The following EPHA4 variants were observed in gnomAD, a reference collection of about 807,000 sequenced individuals.
EPHA4 encodes the protein EPH receptor A4.
EPHA4 carries 19 observed loss-of-function variants against 108.3 expected under a neutral mutation model. The observed-to-expected ratio is 0.18, with a 90% confidence interval of 0.12 to 0.26. The LOEUF (loss-of-function observed/expected upper bound fraction) is 0.26. Among genes scored for constraint, EPHA4 ranks in the 10% least tolerant of loss-of-function variants. The probability of loss-of-function intolerance (pLI) is 1.00; values close to 1 mark genes in which losing one functional copy is unlikely to be tolerated. For synonymous variants in EPHA4, 449 were observed against 455.5 expected, an observed-to-expected ratio of 0.99 and a Z score of 0.18; for missense variants, 917 against 1,254.0, an observed-to-expected ratio of 0.73 and a Z score of 4.06.
intron 3 of EPHA4, among the ~76,000 whole-genome samples, chr2:221,518,352 G>A (rs190288765): frequency 2.6e-3 from 397 of 152,172 alleles, no homozygotes; most frequent in Non-Finnish European, 4.2e-3. Flanking sequence ...CTCTTTACCC[G>A]CTCCTGCTGC....
chr2:221,546,974 G>A (rs957825321), intron 3 of EPHA4, among the ~76,000 whole-genome samples: 1 of 152,086 alleles, frequency 6.6e-6, no homozygotes, highest in African/African-American at 2.4e-5. Context: ...AAATTTTTGT[G>A]GCTATCATAA....
intron 3 of EPHA4, among the ~76,000 whole-genome samples, chr2:221,539,225 T>C (rs1309627340): frequency 6.6e-6 from 1 of 152,240 alleles, no homozygotes; most frequent in Non-Finnish European, 1.5e-5. Flanking sequence ...TATTTACTTA[T>C]GACGACAAGC....
rs553196940 is a variant in EPHA4 at position 221,571,635 on chromosome 2, C to G, written c.91+523G>C. ...AATCAGGTCACTGGCGCCTGACGAG[C>G]GGCGCCACGACCGCTGCGCTGCGGA... On this transcript the variant is annotated intron_variant, in intron 1 of 17. Transcript: ENST00000281821. This position sits in a 1 kb window ranked among gnomAD's most constrained non-coding sequence, Gnocchi z 6.3. Among the ~76,000 whole-genome samples, 1,269 of 152,282 alleles carry G rather than the reference C, an allele frequency of 8.3e-3. 13 individuals are homozygous for G. Among genetic ancestry groups the G allele is most frequent in the Non-Finnish European group, 0.014 (940 of 68,020 alleles).
At chr2:221,557,777 A>T (rs1329718252) in intron 3 of EPHA4, among the ~76,000 whole-genome samples, 9 of 152,216 alleles carry the variant, frequency 5.9e-5, no homozygotes, top group Admixed American at 4.6e-4. Context: ...TATCATATTG[A>T]TTCCATGAAA....
intron 3 of EPHA4, 87 bp from the exon 4 acceptor site, chr2:221,501,259 A>C (rs977047153): frequency 8.2e-7 from 1 of 1,220,328 alleles, no homozygotes; most frequent in Non-Finnish European, 1.1e-6. Context: ...TTGTTTCAGA[A>C]GAAGGGAGAC....
chr2:221,436,229 C>T (rs141341484), intron 13 of EPHA4, among the ~76,000 whole-genome samples, 170 bp downstream of exon 13: 1 of 152,228 alleles, frequency 6.6e-6, no homozygotes, highest in African/African-American at 2.4e-5. Context: ...GCTTCAAAAT[C>T]CCTCTTTTAT....
chr2:221,438,364 T>C (rs1217337217), intron 11 of EPHA4, among the ~76,000 whole-genome samples: 4 of 152,164 alleles, frequency 2.6e-5, no homozygotes, highest in Non-Finnish European at 4.4e-5. Flanking sequence ...GTATTTATTG[T>C]TGGCAAGTGG....
chr2:221,522,163 T>C (rs527388952), intron 3 of EPHA4, among the ~76,000 whole-genome samples: 2 of 152,312 alleles, frequency 1.3e-5, no homozygotes, highest in African/African-American at 2.4e-5. Flanking sequence ...GTTATGCCCA[T>C]ACATGTGAGG....
chr2:221,432,967 G>C (rs1690124767), intron 14 of EPHA4, among the ~76,000 whole-genome samples: 1 of 151,898 alleles, frequency 6.6e-6, no homozygotes, highest in African/African-American at 2.4e-5. Context: ...TGGGATTCCA[G>C]GCACCCACCA....
At chr2:221,549,499 A>G (rs1364936006) in intron 3 of EPHA4, among the ~76,000 whole-genome samples, 2 of 152,198 alleles carry the variant, frequency 1.3e-5, no homozygotes, top group African/African-American at 4.8e-5. Context: ...ACCACAGCTC[A>G]GAGAGGCTGC....
chr2:221,501,345 G>A (rs999350943), intron 3 of EPHA4, 173 bp from the exon 4 acceptor site: 10 of 529,400 alleles, frequency 1.9e-5, no homozygotes, highest in South Asian at 3.4e-5. Flanking sequence ...GAGTATAGTC[G>A]CTCTTTAAGG....
At chr2:221,470,937 T>G (rs1691466720) in intron 5 of EPHA4, among the ~76,000 whole-genome samples, 1 of 152,020 alleles carries the variant, frequency 6.6e-6, no homozygotes, top group Admixed American at 6.6e-5. Flanking sequence ...GGAGAAGAGG[T>G]TTTAAGCTTG....
rs2106105779 is a variant in EPHA4 at position 221,442,949 on chromosome 2, T to C, written c.1954A>G (p.Ile652Val). 1.2e-6 allele frequency: 2 copies of C among 1,614,142 alleles called. No homozygotes were observed. The highest frequency in any genetic ancestry group is 1.7e-6 in the Non-Finnish European group (2 of 1,180,016). Residue 652 changes from isoleucine to valine, a missense_variant, in exon 11 of 18, where the codon ATC becomes GTC. Physicochemically the swap from Ile to Val is conservative, Grantham distance 29. Around this residue, in one of 3 missense-constraint regions of EPHA4, gnomAD observed 758 missense variants for 1,076.7 expected, o/e 0.70. Coordinates refer to ENST00000281821, the MANE Select transcript of EPHA4 (RefSeq NM_004438.5). ...VPGKREICVA[I>V]KTLKAGYTDK... is the part of the protein sequence containing the mutation. ...GTATAACCAGCTTTCAGAGTCTTGA[T>C]AGCCACACAGATCTCTCTCTTGCCA...
At chr2:221,531,577 C>T (rs1693515215) in intron 3 of EPHA4, among the ~76,000 whole-genome samples, 2 of 152,026 alleles carry the variant, frequency 1.3e-5, no homozygotes, top group Admixed American at 6.6e-5. Flanking sequence ...TATAAATAAG[C>T]ACACTTCTTT....
intron 1 of EPHA4, among the ~76,000 whole-genome samples, chr2:221,570,686 CA>C (rs1694805929): frequency 9.2e-6 from 1 of 109,170 alleles, no homozygotes; most frequent in East Asian, 2.4e-4. Context: ...TCCTTCGGAA[CA>C]GAGAAAACGA....
intron 5 of EPHA4, among the ~76,000 whole-genome samples, chr2:221,479,718 ATGACT>A (rs1342015044): frequency 6.6e-6 from 1 of 152,258 alleles, no homozygotes; most frequent in Non-Finnish European, 1.5e-5. Flanking sequence ...AACTATCCTG[ATGACT>A]TGAATTAGAG....
intron 3 of EPHA4, chr2:221,502,425 C>G (rs1403968072): frequency 1.3e-5 from 6 of 456,710 alleles, no homozygotes. Flanking sequence ...TAGGACTTGT[C>G]TATACTATCA....
intron 2 of EPHA4, among the ~76,000 whole-genome samples, chr2:221,566,969 G>GGAAGAAGAAGAAGAAGAA (rs71050343): frequency 0.13 from 3,623 of 27,646 alleles, 1,245 homozygotes; most frequent in South Asian, 0.28. Context: ...AAGAGGAAGA[G>GGAAGAAGAAGAAGAAGAA]GAAGAAGAAG....
In EPHA4 at chr2:221,571,255, T is replaced by TACACACAC. The variant is rs34969368; in HGVS notation, c.91+895_91+902dup. Among the ~76,000 whole-genome samples, 3 of 142,636 alleles carry TACACACAC rather than the reference T, an allele frequency of 2.1e-5. No individual in the cohort carries two copies. Among genetic ancestry groups the TACACACAC allele is most frequent in the Admixed American group, 6.9e-5 (1 of 14,418 alleles). 93.6% of individuals were successfully genotyped at this position (142,636 alleles called of 152,430 possible). On this transcript the variant is annotated intron_variant, in intron 1 of 17. Transcript: ENST00000281821. The surrounding 1 kb of genome is among the most constrained non-coding windows in gnomAD (Gnocchi z 6.3). The stretch of plus-strand genomic sequence containing the variant: ...CAGACATGCACACACACACCACACA[T>TACACACAC]ACACACACACACACACACAGTTCGC...
Sources: gnomAD v4.1 joint callset for allele counts (sites outside exome capture counted in the v4.1 genomes callset) on GRCh38, gnomAD v4.1.1 for gene constraint, gnomAD v4.1.1 regional missense constraint, Gnocchi (gnomAD v3.1) non-coding constraint, MANE v1.5 for transcripts, NCBI Gene and HGNC (gene_info 2026-07-23, HGNC 2026-07-21) for gene names.